Variants in GCNT1 observed in about 807,000 individuals in gnomAD.
GCNT1 encodes the protein glucosaminyl (N-acetyl) transferase 1.
GCNT1 carries 16 observed loss-of-function variants against 26.2 expected under a neutral mutation model. The observed-to-expected ratio is 0.61, with a 90% CI of 0.41 to 0.93. The LOEUF is 0.93. GCNT1 is among the 40% of genes least tolerant of loss of function. GCNT1 has a pLI of 0.00. For missense variants in GCNT1, 477 were observed against 526.7 expected (o/e 0.91, Z 0.92); for synonymous variants, 183 against 190.8 (o/e 0.96, Z 0.34).
At chr9:76,440,104 T>TAA (rs762535970), upstream of GCNT1, among the ~76,000 whole-genome samples, 85 of 124,358 alleles carry the variant, frequency 6.8e-4, no homozygotes, top group Non-Finnish European at 1.1e-3. Flanking sequence ...GTCGCAAAAA[T>TAA]AAAAAAAAAA....
At chr9:76,401,771 T>C in the GCNT1 span, among the ~76,000 whole-genome samples, 1 of 152,194 alleles carries the variant, frequency 6.6e-6, no homozygotes, top group Non-Finnish European at 1.5e-5. Context: ...GACTCACTGC[T>C]ATAATCCCAG....
chr9:76,413,011 T>C, the GCNT1 span, among the ~76,000 whole-genome samples: 13 of 152,258 alleles, frequency 8.5e-5, no homozygotes, highest in Admixed American at 8.5e-4. Context: ...TCTCTCTTGC[T>C]CCTTGCCTGC....
chr9:76,419,741 T>A (rs1447500002), upstream of GCNT1: 1 of 152,242 alleles, frequency 6.6e-6, no homozygotes, highest in Non-Finnish European at 1.5e-5. Context: ...ATCATACTGC[T>A]ACATTGTGAC....
At chr9:76,476,579 A>G (rs919334896) in intron 2 of GCNT1, among the ~76,000 whole-genome samples, 4 of 151,956 alleles carry the variant, frequency 2.6e-5, no homozygotes, top group Admixed American at 2.6e-4. Context: ...TGTTTTCTGT[A>G]TGTATATATA....
chr9:76,491,091 A>G (rs1824722325), intron 2 of GCNT1, among the ~76,000 whole-genome samples: 1 of 151,800 alleles, frequency 6.6e-6, no homozygotes, highest in Non-Finnish European at 1.5e-5. Flanking sequence ...TACTACTTCC[A>G]TCTCTCTTTC....
intron 1 of GCNT1, among the ~76,000 whole-genome samples, chr9:76,423,816 A>G (rs1823229685): frequency 6.6e-6 from 1 of 152,218 alleles, no homozygotes; most frequent in Admixed American, 6.5e-5. Flanking sequence ...TCCACTGTAG[A>G]ATGGCAAGGA....
intron 2 of GCNT1, among the ~76,000 whole-genome samples, chr9:76,466,761 G>A (rs955805048): frequency 6.6e-6 from 1 of 152,138 alleles, no homozygotes; most frequent in African/African-American, 2.4e-5. Context: ...TTAGATTTTG[G>A]GTCCAGAATC....
chr9:76,429,131 C>A (rs1823299339), intron 1 of GCNT1, among the ~76,000 whole-genome samples: 1 of 152,084 alleles, frequency 6.6e-6, no homozygotes, highest in Non-Finnish European at 1.5e-5. Context: ...TAATATATTG[C>A]CCAATATTTC....
At chr9:76,469,292 G>A (rs35184004) in intron 2 of GCNT1, among the ~76,000 whole-genome samples, 4,683 of 152,294 alleles carry the variant, frequency 0.031, 90 homozygotes, top group Non-Finnish European at 0.048. Context: ...TAGCTGGGAA[G>A]GTAACCGCAT....
At chr9:76,459,474 G>A (rs1823825474) in intron 1 of GCNT1, among the ~76,000 whole-genome samples, 169 bp downstream of exon 1, 1 of 152,232 alleles carries the variant, frequency 6.6e-6, no homozygotes, top group Admixed American at 6.5e-5. Context: ...GGACCGGAAT[G>A]GAGCGGCGCC....
At chr9:76,490,332 A>AT (rs1358444331) in intron 2 of GCNT1, among the ~76,000 whole-genome samples, 2 of 152,168 alleles carry the variant, frequency 1.3e-5, no homozygotes, top group Admixed American at 1.3e-4. Context: ...TACTGGATAG[A>AT]TTTTTTATTT....
chr9:76,482,437 C>T (rs62565118), intron 2 of GCNT1, among the ~76,000 whole-genome samples: 37,332 of 150,710 alleles, frequency 0.25, 4,848 homozygotes, highest in East Asian at 0.31. Context: ...CTGGCTAACA[C>T]GGTGAAACCC....
In GCNT1 at chr9:76,493,199, T is replaced by G. The variant is rs145130394; in HGVS notation, c.-289-7717T>G. 4.9e-4 allele frequency among the ~76,000 whole-genome samples: 75 copies of G among 152,294 alleles called. 1 individual carries two copies. The East Asian group carries it at 0.013, about 26-fold the overall frequency. ...ACACAGGTCAGCAGACGTTTACGACTCCAGTCCCCATGATCTGAGTTGAGG... is the reference window on the plus strand; with the variant it reads ...ACACAGGTCAGCAGACGTTTACGACGCCAGTCCCCATGATCTGAGTTGAGG... On this transcript the variant is annotated intron_variant, in intron 2 of 3. Coordinates refer to ENST00000376730, the MANE Select transcript of GCNT1 (RefSeq NM_001490.5).
At chr9:76,422,266 GC>G (rs1362547834) in intron 1 of GCNT1, among the ~76,000 whole-genome samples, 2 of 152,028 alleles carry the variant, frequency 1.3e-5, no homozygotes, top group African/African-American at 4.8e-5. Flanking sequence ...CACCATATCA[GC>G]CATGTTGCCC....
chr9:76,401,230 T>G, the GCNT1 span, among the ~76,000 whole-genome samples: 1 of 152,158 alleles, frequency 6.6e-6, no homozygotes, highest in Admixed American at 6.6e-5. Context: ...ATATAGAAAA[T>G]AAATAATGTT....
the GCNT1 span, chr9:76,398,869 G>T: frequency 1.3e-6 from 2 of 1,513,036 alleles, no homozygotes; most frequent in Non-Finnish European, 1.8e-6. Context: ...CCTGGGAGAA[G>T]CTTCTGCTGG....
At position 76,460,086 on chromosome 9, in the gene GCNT1, C is replaced by A. The variant is rs1158762851; in HGVS notation, c.-381C>A. ...GCTTTCTGCGCAGCACAGGCACCCT[C>A]GCCTGTCACGCCTCCCTCTCCTCTT... On this transcript the variant is annotated 5_prime_UTR_variant, in exon 2 of 4. Coordinates refer to ENST00000376730, the MANE Select transcript of GCNT1 (RefSeq NM_001490.5). 6.6e-6 allele frequency: 1 copy of A among 152,244 alleles called. No individual in the cohort carries two copies. 9.4% of individuals were successfully genotyped at this position (152,244 alleles called of 1,614,324 possible). A position where few individuals can be genotyped will look rare whatever the true frequency, so the allele number is the denominator to read the frequency against.
chr9:76,446,022 T>C (rs1823572054), intron 1 of GCNT1, among the ~76,000 whole-genome samples: 1 of 152,140 alleles, frequency 6.6e-6, no homozygotes, highest in African/African-American at 2.4e-5. Flanking sequence ...AAACCTGTGA[T>C]AATTTGCTCT....
chr9:76,464,077 G>A lies in GCNT1; in HGVS notation c.-290+3900G>A, dbSNP rs11144915. On this transcript the variant is annotated intron_variant, in intron 2 of 3. Coordinates refer to ENST00000376730, the MANE Select transcript of GCNT1 (RefSeq NM_001490.5). ...TTGTAAAAATAATAATAAAAAAAAG[G>A]CTGAAGGATTAGTAGGAGTTAGTGA... Among the ~76,000 whole-genome samples, 1,478 of 150,700 alleles carry A rather than the reference G, an allele frequency of 9.8e-3. 24 individuals carry two copies. Among genetic ancestry groups the A allele is most frequent in the African/African-American group, 0.034 (1,393 of 40,968 alleles).
Sources: allele counts gnomAD v4.1 joint callset (sites outside exome capture counted in the v4.1 genomes callset), GRCh38; gene constraint gnomAD v4.1.1; transcripts MANE v1.5; gene names NCBI Gene and HGNC (gene_info 2026-07-23, HGNC 2026-07-21).